Variants in CALD1 observed in about 807,000 individuals in gnomAD.
CALD1 encodes the protein caldesmon.
In CALD1, 33 loss-of-function variants were observed where a neutral mutation model predicts 99.9. That is an observed-to-expected ratio of 0.33 (90% confidence interval 0.25 to 0.44). The LOEUF (loss-of-function observed/expected upper bound fraction) is 0.44. Among genes scored for constraint, CALD1 ranks in the 20% least tolerant of loss-of-function variants. The probability of loss-of-function intolerance (pLI) is 1.00; values close to 1 mark genes in which losing one functional copy is unlikely to be tolerated. For missense variants in CALD1, 861 were observed against 962.1 expected (o/e 0.89, Z 1.39); for synonymous variants, 310 against 325.0 (o/e 0.95, Z 0.50).
intron 2 of CALD1, among the ~76,000 whole-genome samples, chr7:134,850,290 A>C (rs141671168): frequency 1.1e-3 from 162 of 152,322 alleles, no homozygotes; most frequent in African/African-American, 3.6e-3. Flanking sequence ...TCATTTCATC[A>C]TTGAGGTCCT....
chr7:134,959,284 G>A (rs190952252), intron 11 of CALD1, among the ~76,000 whole-genome samples: 18 of 152,004 alleles, frequency 1.2e-4, no homozygotes, highest in South Asian at 4.2e-4. Context: ...AGGTTCAAGC[G>A]ATTCTCCTGC....
At chr7:134,711,660 C>CTCTCTCTATATATATATA in the CALD1 span, among the ~76,000 whole-genome samples, 2 of 78,350 alleles carry the variant, frequency 2.6e-5, no homozygotes, top group African/African-American at 1.2e-4. Context: ...CTCTCTCTCT[C>CTCTCTCTATATATATATA]TATATATATA....
intron 3 of CALD1, among the ~76,000 whole-genome samples, chr7:134,926,246 A>G (rs1209333245): frequency 6.6e-6 from 1 of 152,200 alleles, no homozygotes; most frequent in East Asian, 1.9e-4. Context: ...TGATTGTCAC[A>G]CACAAGAAAA....
chr7:134,782,658 T>C (rs1004775510), intron 1 of CALD1, among the ~76,000 whole-genome samples: 3 of 152,210 alleles, frequency 2.0e-5, no homozygotes, highest in Non-Finnish European at 4.4e-5. Flanking sequence ...TGTCCCACAG[T>C]GGTTAAGACG....
At chr7:134,712,581 T>G in the CALD1 span, among the ~76,000 whole-genome samples, 12 of 152,220 alleles carry the variant, frequency 7.9e-5, no homozygotes, top group Non-Finnish European at 1.5e-5. Context: ...CTTCTAGAAT[T>G]AAAGTAGACA....
intron 3 of CALD1, among the ~76,000 whole-genome samples, chr7:134,905,611 G>A (rs1803310868): frequency 6.6e-6 from 1 of 151,546 alleles, no homozygotes; most frequent in South Asian, 2.1e-4. Context: ...CAGCAGCTGT[G>A]TTATTACATC....
chr7:134,958,740 ATTCTAAG>A (rs1490949653), intron 11 of CALD1, among the ~76,000 whole-genome samples: 2 of 151,906 alleles, frequency 1.3e-5, no homozygotes, highest in Non-Finnish European at 2.9e-5. Context: ...ACACTTTGAA[ATTCTAAG>A]TTCTAAGAAA....
intron 1 of CALD1, among the ~76,000 whole-genome samples, chr7:134,831,281 G>A (rs1252774661): frequency 6.6e-6 from 1 of 152,046 alleles, no homozygotes; most frequent in East Asian, 1.9e-4. Flanking sequence ...TCTCAGGGTG[G>A]GAAGGATGAA....
chr7:134,775,387 A>G (rs1381442134), upstream of CALD1, among the ~76,000 whole-genome samples: 1 of 152,214 alleles, frequency 6.6e-6, no homozygotes, highest in African/African-American at 2.4e-5. Flanking sequence ...GTCAAGTTCT[A>G]CAAAATACGT....
At chr7:134,785,503 T>TGCATTAA (rs1437275245) in intron 1 of CALD1, among the ~76,000 whole-genome samples, 2 of 152,220 alleles carry the variant, frequency 1.3e-5, no homozygotes, top group Admixed American at 6.5e-5. Flanking sequence ...TAAAAGCTGG[T>TGCATTAA]GTACTCTTAA....
At chr7:134,902,661 C>T (rs1803084564) in intron 3 of CALD1, among the ~76,000 whole-genome samples, 1 of 152,040 alleles carries the variant, frequency 6.6e-6, no homozygotes, top group Non-Finnish European at 1.5e-5. Context: ...ACTGAACATC[C>T]AAGAGAATAA....
chr7:134,768,173 G>T (rs1033570570), intron 1 of CALD1, among the ~76,000 whole-genome samples: 2 of 152,312 alleles, frequency 1.3e-5, no homozygotes, highest in African/African-American at 4.8e-5. Flanking sequence ...ATGGAAGTGA[G>T]AAACAGTACC....
chr7:134,815,523 G>A (rs1477391080), intron 1 of CALD1, among the ~76,000 whole-genome samples: 1 of 152,082 alleles, frequency 6.6e-6, no homozygotes. Context: ...CATGGTTTTG[G>A]CTGTATAGCT....
the CALD1 span, among the ~76,000 whole-genome samples, chr7:134,724,906 C>T: frequency 1.1e-4 from 17 of 152,336 alleles, 1 homozygote; most frequent in African/African-American, 3.6e-4. Flanking sequence ...AGGGGGACAT[C>T]AGTGTGCTGA....
At chr7:134,885,345 C>T (rs1801805080) in intron 3 of CALD1, among the ~76,000 whole-genome samples, 1 of 152,110 alleles carries the variant, frequency 6.6e-6, no homozygotes, top group Admixed American at 6.5e-5. Flanking sequence ...AAATAATAAG[C>T]ACAACACCTA....
At chr7:134,721,308 G>C in the CALD1 span, among the ~76,000 whole-genome samples, 3 of 144,966 alleles carry the variant, frequency 2.1e-5, no homozygotes, top group African/African-American at 7.9e-5. Flanking sequence ...TCAACTCACT[G>C]AGCCTGGTTT....
At chr7:134,871,943 G>T (rs77869879) in intron 3 of CALD1, among the ~76,000 whole-genome samples, 1 of 152,220 alleles carries the variant, frequency 6.6e-6, no homozygotes, top group East Asian at 1.9e-4. Context: ...ATGCTGGCTT[G>T]CATGTGCTTA....
chr7:134,880,286 G>A (rs1008090911), intron 3 of CALD1, among the ~76,000 whole-genome samples: 1 of 152,180 alleles, frequency 6.6e-6, no homozygotes, highest in Non-Finnish European at 1.5e-5. Context: ...TTTATTTCTG[G>A]AGCTAGTAGC....
At chr7:134,896,730 T>C (rs1222485436) in intron 3 of CALD1, among the ~76,000 whole-genome samples, 1 of 152,222 alleles carries the variant, frequency 6.6e-6, no homozygotes, top group African/African-American at 2.4e-5. Flanking sequence ...GCCCTGCCTA[T>C]GCTGCTTCTC....
Sources: allele counts gnomAD v4.1 joint callset (sites outside exome capture counted in the v4.1 genomes callset), GRCh38; gene constraint gnomAD v4.1.1; transcripts MANE v1.5; gene names NCBI Gene and HGNC (gene_info 2026-07-23, HGNC 2026-07-21).